ERICH1: variants seen among roughly 807,000 people sequenced by gnomAD.
The protein encoded by ERICH1 is glutamate-rich protein 1.
ERICH1 carries 56 observed loss-of-function variants against 39.6 expected under a neutral mutation model. The ratio of observed to expected loss-of-function variants is 1.41; its 90% CI spans 1.14 to 1.77. The LOEUF (loss-of-function observed/expected upper bound fraction) is 1.77, where lower values mean the gene tolerates loss of function less well. ERICH1 is among the 40% of genes most tolerant of loss of function. ERICH1 has a pLI of 0.00. For synonymous variants in ERICH1, 313 were observed against 223.6 expected (o/e 1.40, Z -3.57); for missense variants, 826 against 575.4 (o/e 1.44, Z -4.45).
intron 2 of ERICH1, among the ~76,000 whole-genome samples, chr8:702,076 CAAAAAAA>C (rs60476920): frequency 1.1e-5 from 1 of 88,136 alleles, no homozygotes. Flanking sequence ...GACTACATCT[CAAAAAAA>C]AAAAAAAAAA....
chr8:650,246 G>C lies in ERICH1; in HGVS notation c.976+18352C>G, dbSNP rs1355017249. On this transcript the variant is annotated intron_variant, in intron 3 of 3. Transcript: ENST00000522706. ...CGATGAGGACGCCGGCCTCCGCCAG[G>C]CCGAGTCAGCACTCTGTCCCCGGGG... 2.0e-5 allele frequency among the ~76,000 whole-genome samples: 3 copies of C among 152,204 alleles called. No individual in the cohort carries two copies. The South Asian group carries it at 6.2e-4, about 31-fold the overall frequency.
chr8:699,928 G>GGTGCACAGACCCACACAC (rs1811453313), intron 2 of ERICH1, among the ~76,000 whole-genome samples: 1 of 67,708 alleles, frequency 1.5e-5, no homozygotes, highest in Non-Finnish European at 3.1e-5. Flanking sequence ...GGCCCGCACA[G>GGTGCACAGACCCACACAC]GCGCACAGAC....
At chr8:682,508 C>T (rs1806358180) in intron 3 of ERICH1, among the ~76,000 whole-genome samples, 2 of 152,188 alleles carry the variant, frequency 1.3e-5, no homozygotes, top group African/African-American at 4.8e-5. Flanking sequence ...ACTCCAGAGA[C>T]TCCAGAATGT....
intron 5 of ERICH1, 48 bp downstream of exon 5, chr8:668,550 G>T (rs1166174598): frequency 1.9e-6 from 3 of 1,607,182 alleles, no homozygotes; most frequent in Non-Finnish European, 2.6e-6. Flanking sequence ...GGCAAACCTC[G>T]ATGAGAGTAT....
intron 3 of ERICH1, among the ~76,000 whole-genome samples, chr8:656,418 A>G (rs1358092322): frequency 1.3e-5 from 2 of 152,136 alleles, no homozygotes; most frequent in Non-Finnish European, 2.9e-5. Context: ...TCCCTTGGGG[A>G]CGACAAAGCA....
rs56687918 is a variant in ERICH1 at position 634,168 on chromosome 8, CAAA to C, written c.977-18887_977-18885del. On this transcript the variant is annotated intron_variant, in intron 3 of 3. Transcript: ENST00000522706. ...GAATCTATAGAGAACTCCTAAAACT[CAAA>C]AAAAAAAAAAAAAAACAAACAAAAA... Among the ~76,000 whole-genome samples, 257 of 91,992 alleles carry C rather than the reference CAAA, an allele frequency of 2.8e-3. 2 individuals are homozygous for C. Among genetic ancestry groups the C allele is most frequent in the African/African-American group, 9.9e-3 (249 of 25,068 alleles). 60.4% of individuals were successfully genotyped at this position (91,992 alleles called of 152,430 possible). A position where few individuals can be genotyped will look rare whatever the true frequency, so the allele number is the denominator to read the frequency against.
chr8:702,548 C>G, intron 2 of ERICH1, among the ~76,000 whole-genome samples: 1 of 152,204 alleles, frequency 6.6e-6, no homozygotes, highest in Non-Finnish European at 1.5e-5. Context: ...AAGTCTTGAA[C>G]AGACACTTAG....
intron 3 of ERICH1, among the ~76,000 whole-genome samples, chr8:649,769 T>G (rs1799706839): frequency 6.6e-6 from 1 of 152,076 alleles, no homozygotes; most frequent in South Asian, 2.1e-4. Context: ...GCACCATCCA[T>G]CCACGTGGAG....
chr8:724,154 G>C (rs553883105), intron 1 of ERICH1, among the ~76,000 whole-genome samples: 3 of 152,098 alleles, frequency 2.0e-5, no homozygotes. Context: ...GGATCCTCAC[G>C]TAGGAGGTGA....
At chr8:634,183 A>AACAAAAAACAAAC (rs1554481906) in intron 3 of ERICH1, among the ~76,000 whole-genome samples, 1 of 135,808 alleles carries the variant, frequency 7.4e-6, no homozygotes, top group Admixed American at 7.5e-5. Flanking sequence ...AAAAAAAAAA[A>AACAAAAAACAAAC]AAACAAACAA....
chr8:671,066 C>T (rs553396912), intron 4 of ERICH1, among the ~76,000 whole-genome samples: 2 of 152,070 alleles, frequency 1.3e-5, no homozygotes, highest in East Asian at 3.9e-4. Context: ...CAGGCTCCGA[C>T]CTCTGAACCT....
chr8:614,802 G>A (rs987190247), exon 4 of ERICH1: 7 of 165,922 alleles, frequency 4.2e-5, no homozygotes, highest in Non-Finnish European at 6.4e-5. Context: ...CTCTGTGCCC[G>A]ACAAGATGGT....
chr8:706,874 A>G (rs1178707522), intron 2 of ERICH1, among the ~76,000 whole-genome samples: 2 of 152,248 alleles, frequency 1.3e-5, no homozygotes, highest in African/African-American at 2.4e-5. Context: ...GACATCCTAA[A>G]GCTAGGGACT....
At chr8:657,358 G>A (rs1800789578) in intron 3 of ERICH1, among the ~76,000 whole-genome samples, 1 of 151,998 alleles carries the variant, frequency 6.6e-6, no homozygotes, top group African/African-American at 2.4e-5. Context: ...CTTATTGCAG[G>A]ACTGGAGTGT....
chr8:675,039 G>A (rs1804362477), intron 3 of ERICH1, among the ~76,000 whole-genome samples: 1 of 152,264 alleles, frequency 6.6e-6, no homozygotes, highest in Non-Finnish European at 1.5e-5. Context: ...GCTTGAAACG[G>A]GCGGCTGGGG....
At position 668,703 on chromosome 8, in the gene ERICH1, C is replaced by A; in HGVS notation, c.1153G>T (p.Asp385Tyr). The A allele has an allele frequency of 6.2e-7, 1 of 1,614,092 alleles. No individual in the cohort carries two copies. Among genetic ancestry groups the A allele is most frequent in the South Asian group, 1.1e-5 (1 of 91,086 alleles). ...RLASHSMLPS[D>Y]VSILYHMKTL... ...TTCATGTGGTACAGGATGGACACGT[C>A]TGAGGGCAGCATGCTGTGTGACGCA... is the stretch of plus-strand genomic sequence containing the variant. The change falls in exon 5 of 6, where the codon GAC (aspartate) becomes TAC (tyrosine). Residue 385 changes from aspartate to tyrosine, a missense_variant. Asp to Tyr is a radical substitution (Grantham distance 160). Transcript: ENST00000262109.
At chr8:619,142 C>T (rs919069002) in intron 3 of ERICH1, among the ~76,000 whole-genome samples, 16 of 151,998 alleles carry the variant, frequency 1.1e-4, no homozygotes, top group Non-Finnish European at 1.5e-5. Context: ...GGGCCCTACT[C>T]CCCCAGTGCC....
intron 3 of ERICH1, chr8:616,272 C>T (rs922803338): frequency 3.0e-5 from 9 of 300,528 alleles, no homozygotes; most frequent in Admixed American, 1.3e-4. Context: ...ATCTTTGTAA[C>T]GTTGCATTTT....
At chr8:656,478 G>T (rs1377902876) in intron 3 of ERICH1, among the ~76,000 whole-genome samples, 1 of 152,190 alleles carries the variant, frequency 6.6e-6, no homozygotes, top group African/African-American at 2.4e-5. Context: ...TTTTTTGTGA[G>T]AAGTAGAGCT....
Sources: allele counts gnomAD v4.1 joint callset (sites outside exome capture counted in the v4.1 genomes callset), GRCh38; gene constraint gnomAD v4.1.1; transcripts MANE v1.5; gene names NCBI Gene and HGNC (gene_info 2026-07-23, HGNC 2026-07-21).